GNL3L: variants seen among roughly 807,000 people sequenced by gnomAD.
GNL3L encodes G protein nucleolar 3 like.
GNL3L carries 4 observed loss-of-function variants against 42.9 expected under a neutral mutation model. That is an observed-to-expected ratio of 0.09 (90% CI 0.05 to 0.21). The LOEUF (loss-of-function observed/expected upper bound fraction) is 0.21, where lower values mean the gene tolerates loss of function less well. Among genes scored for constraint, GNL3L ranks in the 10% least tolerant of loss-of-function variants. The pLI is 1.00. For missense variants in GNL3L, 412 were observed against 481.7 expected, an observed-to-expected ratio of 0.86 and a Z score of 1.36; for synonymous variants, 159 against 176.3, an observed-to-expected ratio of 0.90 and a Z score of 0.78.
Position 54,565,149 on chromosome X carries a change from A to C in GNL3L, c.*4547A>C, listed in dbSNP as rs893572114. On this transcript the variant is annotated 3_prime_UTR_variant, in exon 16 of 16. Coordinates refer to ENST00000360845, the MANE Select transcript of GNL3L (RefSeq NM_001184819.2). The stretch of plus-strand genomic sequence containing the variant: ...CATTTGAGATTCATCCATATTTCTC[A>C]GTATATTAATAGTTCTTATTTCTGA... Among the ~76,000 whole-genome samples, 8 of 111,994 alleles carry C rather than the reference A, an allele frequency of 7.1e-5. No individual in the cohort carries two copies. The highest frequency in any genetic ancestry group is 1.5e-4 in the Non-Finnish European group (8 of 53,245).
chrX:54,586,994 T>C (rs1435879417), intron 16 of GNL3L, among the ~76,000 whole-genome samples: 2 of 112,090 alleles, frequency 1.8e-5, no homozygotes, highest in African/African-American at 6.5e-5. Context: ...ACACCAGTGC[T>C]GACTGACTAC....
the GNL3L span, among the ~76,000 whole-genome samples, chrX:54,640,170 A>G: frequency 9.0e-6 from 1 of 111,403 alleles, no homozygotes; most frequent in Non-Finnish European, 1.9e-5. Flanking sequence ...TGGGTGATTG[A>G]CCTTTGAATC....
intron 16 of GNL3L, among the ~76,000 whole-genome samples, chrX:54,580,059 A>C (rs1463995202): frequency 1.1e-5 from 1 of 87,974 alleles, no homozygotes; most frequent in Non-Finnish European, 2.1e-5. Flanking sequence ...CAGGTTATTT[A>C]CATATATATA....
chrX:54,567,993 G>A (rs1925484076), downstream of GNL3L, among the ~76,000 whole-genome samples: 2 of 102,951 alleles, frequency 1.9e-5, no homozygotes, highest in Non-Finnish European at 4.0e-5. Flanking sequence ...TTGTGAGACG[G>A]AGTCTCACTC....
intron 16 of GNL3L, among the ~76,000 whole-genome samples, chrX:54,590,406 A>C (rs960007186): frequency 9.0e-6 from 1 of 111,718 alleles, no homozygotes; most frequent in South Asian, 3.7e-4. Flanking sequence ...TCAAATTTTT[A>C]GTTTTTTTCC....
In GNL3L at chrX:54,538,525, C is replaced by T. The variant is rs1924515585; in HGVS notation, c.20-515C>T. ...AGTCATGATTGGAGAAGTGGTAGAT[C>T]TCTTCTTTTTGTATCTGAGGGAGGC... is the stretch of plus-strand genomic sequence containing the variant. On this transcript the variant is annotated intron_variant, in intron 2 of 15. Transcript: ENST00000360845. Among the ~76,000 whole-genome samples, 2 of 110,966 alleles carry T rather than the reference C, an allele frequency of 1.8e-5. 1 individual carries two copies. The highest frequency in any genetic ancestry group is 1.9e-4 in the Admixed American group (2 of 10,426).
intron 16 of GNL3L, among the ~76,000 whole-genome samples, chrX:54,589,404 C>T (rs767514165): frequency 2.7e-5 from 3 of 110,622 alleles, no homozygotes; most frequent in African/African-American, 6.6e-5. Flanking sequence ...TTACCCTTCC[C>T]GGCCTCTGGT....
At chrX:54,544,048 C>T (rs1275749448) in intron 7 of GNL3L, 175 bp from the exon 8 acceptor site, 3 of 405,368 alleles carry the variant, frequency 7.4e-6, no homozygotes, top group African/African-American at 5.2e-5. Context: ...ATCCCGTAGA[C>T]CAGACTATCC....
chrX:54,624,584 C>A (rs2147543184), downstream of GNL3L, among the ~76,000 whole-genome samples: 1 of 108,282 alleles, frequency 9.2e-6, no homozygotes, highest in South Asian at 4.2e-4. Context: ...ATTACAGGCA[C>A]CCACCACTAC....
chrX:54,603,954 T>C (rs1386082080), intron 16 of GNL3L, among the ~76,000 whole-genome samples: 4 of 110,903 alleles, frequency 3.6e-5, no homozygotes, highest in South Asian at 7.7e-4. Context: ...CTGGGCAACA[T>C]GGTGAAACTC....
At chrX:54,597,821 A>G (rs1212523719) in intron 16 of GNL3L, among the ~76,000 whole-genome samples, 2 of 110,992 alleles carry the variant, frequency 1.8e-5, no homozygotes, top group Non-Finnish European at 3.8e-5. Context: ...GCTTTCTGCT[A>G]TAATAGGGTA....
At chrX:54,574,641 T>C (rs7052270) in intron 16 of GNL3L, among the ~76,000 whole-genome samples, 1,240 of 112,266 alleles carry the variant, frequency 0.011, 14 homozygotes, top group African/African-American at 0.039. Context: ...GCTAGCCTTA[T>C]AGAATAAGTT....
downstream of GNL3L, among the ~76,000 whole-genome samples, chrX:54,624,126 G>C: frequency 9.0e-6 from 1 of 111,206 alleles, no homozygotes; most frequent in Middle Eastern, 4.6e-3. Flanking sequence ...TTGCAGTGTT[G>C]CCCAGGCTGT....
chrX:54,639,732 G>A, the GNL3L span, among the ~76,000 whole-genome samples: 20 of 112,171 alleles, frequency 1.8e-4, no homozygotes, highest in East Asian at 4.8e-3. Context: ...GCCCGCCTGC[G>A]GCAGGGGTGC....
At chrX:54,643,442 T>C in the GNL3L span, among the ~76,000 whole-genome samples, 1 of 110,915 alleles carries the variant, frequency 9.0e-6, no homozygotes, top group African/African-American at 3.3e-5. Context: ...GGTTTTGTTT[T>C]CTTTTTAAAT....
intron 16 of GNL3L, among the ~76,000 whole-genome samples, chrX:54,586,825 G>A (rs756047259): frequency 2.7e-5 from 3 of 111,437 alleles, no homozygotes; most frequent in Non-Finnish European, 5.7e-5. Context: ...GGCTGAGAGT[G>A]GCCCAGCCCA....
intron 2 of GNL3L, among the ~76,000 whole-genome samples, chrX:54,538,051 A>G (rs1924495479): frequency 9.0e-6 from 1 of 111,230 alleles, no homozygotes; most frequent in Non-Finnish European, 1.9e-5. Flanking sequence ...CTCTACTAAA[A>G]ATACAAAAAT....
intron 1 of GNL3L, among the ~76,000 whole-genome samples, chrX:54,531,149 A>G (rs1201390084): frequency 8.9e-6 from 1 of 111,984 alleles, no homozygotes; most frequent in Non-Finnish European, 1.9e-5. Flanking sequence ...ACCTTAATCC[A>G]TGAAGAGACA....
Position 54,566,892 on chromosome X carries a change from G to A in GNL3L, c.*6290G>A, listed in dbSNP as rs1216291207. On this transcript the variant is annotated 3_prime_UTR_variant, in exon 16 of 16. Coordinates refer to ENST00000360845, the MANE Select transcript of GNL3L (RefSeq NM_001184819.2). ...GGGCTCAAGCGAACCTCCCACCTCC[G>A]CCTCTTGAGTAGCTGGGACCACAGG... is the stretch of plus-strand genomic sequence containing the variant. Among the ~76,000 whole-genome samples, 4 of 111,644 alleles carry A rather than the reference G, an allele frequency of 3.6e-5. No individual in the cohort carries two copies. Among genetic ancestry groups the A allele is most frequent in the Non-Finnish European group, 7.5e-5 (4 of 53,133 alleles).
Sources: allele counts gnomAD v4.1 joint callset (sites outside exome capture counted in the v4.1 genomes callset), GRCh38; gene constraint gnomAD v4.1.1; transcripts MANE v1.5; gene names NCBI Gene and HGNC (gene_info 2026-07-23, HGNC 2026-07-21).